RAB8B: variants seen among roughly 807,000 people sequenced by gnomAD.
RAB8B encodes ras-related protein Rab-8B.
A neutral mutation model predicts 32.0 loss-of-function variants in RAB8B; 11 were observed. The ratio of observed to expected loss-of-function variants is 0.34; its 90% confidence interval spans 0.22 to 0.57. RAB8B has a LOEUF of 0.57. Among genes scored for constraint, RAB8B ranks in the 20% least tolerant of loss-of-function variants. The pLI is 0.86. For missense variants in RAB8B, 190 were observed against 258.5 expected (o/e 0.73, Z 1.82); for synonymous variants, 103 against 89.6 (o/e 1.15, Z -0.85).
intron 1 of RAB8B, among the ~76,000 whole-genome samples, chr15:63,237,284 A>G (rs1322476173): frequency 1.3e-5 from 2 of 152,106 alleles, no homozygotes; most frequent in Non-Finnish European, 2.9e-5. Context: ...TGATAGCTCT[A>G]TATTTGATTT....
chr15:63,248,825 C>T lies in RAB8B; in HGVS notation c.186-820C>T, dbSNP rs539027587. The stretch of plus-strand genomic sequence containing the variant: ...TATATTTCCACAAATGCCTCTTTCT[C>T]TCCTGCAATTAAATTGTCTTAGTAG... On this transcript the variant is annotated intron_variant, in intron 2 of 7. Transcript: ENST00000321437. This position sits in a 1 kb window ranked among gnomAD's most constrained non-coding sequence, Gnocchi z 4.4. 6.6e-6 allele frequency among the ~76,000 whole-genome samples: 1 copy of T among 152,184 alleles called. No homozygotes were observed. Among genetic ancestry groups the T allele is most frequent in the South Asian group, 2.1e-4 (1 of 4,822 alleles).
Position 63,253,581 on chromosome 15 carries a change from C to T in RAB8B, c.247-1926C>T, listed in dbSNP as rs546804077. On this transcript the variant is annotated intron_variant, in intron 3 of 7. Coordinates refer to ENST00000321437, the MANE Select transcript of RAB8B (RefSeq NM_016530.3). Reference sequence around the variant, plus strand: ...CCCGTAATCTCAGCAGCTCGGGAGGCGGAGGTGGGAGGACTGCTTGAGTTC... The same window carrying T: ...CCCGTAATCTCAGCAGCTCGGGAGGTGGAGGTGGGAGGACTGCTTGAGTTC... Among the ~76,000 whole-genome samples the T allele has an allele frequency of 3.6e-4, 55 of 151,488 alleles. No homozygotes were observed. In the South Asian group the frequency reaches 0.01, roughly 28 times the overall value.
chr15:63,197,074 C>G (rs2037606567), intron 1 of RAB8B, among the ~76,000 whole-genome samples: 1 of 151,976 alleles, frequency 6.6e-6, no homozygotes, highest in Admixed American at 6.5e-5. Flanking sequence ...TGTGTTCTGC[C>G]CAGCACTCAT....
chr15:63,262,182 T>A (rs1335047402), intron 6 of RAB8B, among the ~76,000 whole-genome samples: 1 of 152,204 alleles, frequency 6.6e-6, no homozygotes, highest in African/African-American at 2.4e-5. Flanking sequence ...ATTTCCTAGA[T>A]CAGCACTGTG....
chr15:63,233,370 T>G (rs1391143496), intron 1 of RAB8B, among the ~76,000 whole-genome samples: 2 of 152,174 alleles, frequency 1.3e-5, no homozygotes, highest in African/African-American at 4.8e-5. Flanking sequence ...AGTCTCAATC[T>G]AAGTAACATT....
chr15:63,232,189 T>A (rs747209832), intron 1 of RAB8B, among the ~76,000 whole-genome samples: 1 of 152,240 alleles, frequency 6.6e-6, no homozygotes, highest in Non-Finnish European at 1.5e-5. Context: ...TATTTATGAT[T>A]CAACACATAG....
chr15:63,260,365 C>T (rs1233901385), intron 6 of RAB8B, among the ~76,000 whole-genome samples: 1 of 152,228 alleles, frequency 6.6e-6, no homozygotes, highest in Non-Finnish European at 1.5e-5. Context: ...AGGCTGTACT[C>T]TCTCAAGGGA....
Position 63,234,560 on chromosome 15 carries a change from G to T in RAB8B, c.125-10196G>T, listed in dbSNP as rs575709693. ...AAGTTTCCTTCTTTCTGTTTTGCTGGCCAAGCCCTTCCCCTCAGCTGCCTC... is the reference window on the plus strand; with the variant it reads ...AAGTTTCCTTCTTTCTGTTTTGCTGTCCAAGCCCTTCCCCTCAGCTGCCTC... On this transcript the variant is annotated intron_variant, in intron 1 of 7. Transcript: ENST00000321437. Among the ~76,000 whole-genome samples the T allele has an allele frequency of 3.3e-5, 5 of 152,182 alleles. No individual in the cohort carries two copies. The East Asian group carries it at 9.7e-4, about 29-fold the overall frequency.
intron 1 of RAB8B, among the ~76,000 whole-genome samples, chr15:63,214,209 A>G (rs1567011418): frequency 1.3e-5 from 2 of 151,208 alleles, no homozygotes; most frequent in Non-Finnish European, 2.9e-5. Context: ...GATCTAATGT[A>G]GTTATCTAGG....
At chr15:63,256,626 A>G (rs374270442) in intron 5 of RAB8B, 32 bp downstream of exon 5, 349 of 1,416,004 alleles carry the variant, frequency 2.5e-4, no homozygotes, top group Non-Finnish European at 1.9e-4. Flanking sequence ...AAAGGTTGGA[A>G]TCTACTCACA....
chr15:63,212,791 TC>T (rs2037759122), intron 1 of RAB8B, among the ~76,000 whole-genome samples: 1 of 152,238 alleles, frequency 6.6e-6, no homozygotes, highest in Admixed American at 6.5e-5. Flanking sequence ...TTAAACTTGA[TC>T]TTGAAAGGCC....
At chr15:63,256,724 AAG>A in intron 5 of RAB8B, 130 bp downstream of exon 5, 1 of 666,164 alleles carries the variant, frequency 1.5e-6, no homozygotes, top group Non-Finnish European at 2.5e-6. Flanking sequence ...ATCAACAACA[AAG>A]AGATGTAATC....
At position 63,255,013 on chromosome 15, in the gene RAB8B, A is replaced by C. The variant is rs929252235; in HGVS notation, c.247-494A>C. 2.0e-5 allele frequency among the ~76,000 whole-genome samples: 3 copies of C among 152,228 alleles called. No homozygotes were observed. The South Asian group carries it at 6.2e-4, about 32-fold the overall frequency. On this transcript the variant is annotated intron_variant, in intron 3 of 7. Coordinates refer to ENST00000321437, the MANE Select transcript of RAB8B (RefSeq NM_016530.3). ...ATTGGATTTTAAGTGTCTGTGATGT[A>C]CTTAGATAAATAGTGACAACCTATT... is the stretch of plus-strand genomic sequence containing the variant.
intron 1 of RAB8B, among the ~76,000 whole-genome samples, chr15:63,209,079 C>CAA (rs1383059284): frequency 6.6e-6 from 1 of 151,600 alleles, no homozygotes; most frequent in East Asian, 1.9e-4. Context: ...TTAGTAGAGA[C>CAA]AGAGTTTCGC....
At chr15:63,243,127 A>G (rs921776272) in intron 1 of RAB8B, among the ~76,000 whole-genome samples, 1 of 152,190 alleles carries the variant, frequency 6.6e-6, no homozygotes, top group African/African-American at 2.4e-5. Flanking sequence ...AGTTCACAAT[A>G]GGGTTTGAGC....
chr15:63,231,245 T>C (rs1339256544), intron 1 of RAB8B, among the ~76,000 whole-genome samples: 3 of 152,236 alleles, frequency 2.0e-5, no homozygotes, highest in Non-Finnish European at 4.4e-5. Flanking sequence ...TTTTAGTTAG[T>C]TGTACTATGT....
chr15:63,191,495 G>C (rs1432708363), intron 1 of RAB8B, among the ~76,000 whole-genome samples: 5 of 152,162 alleles, frequency 3.3e-5, no homozygotes, highest in African/African-American at 1.2e-4. Flanking sequence ...TTCTGAAAAA[G>C]CAGATTTTAA....
At chr15:63,247,882 C>T (rs1157082696) in intron 2 of RAB8B, among the ~76,000 whole-genome samples, 1 of 152,182 alleles carries the variant, frequency 6.6e-6, no homozygotes, top group Non-Finnish European at 1.5e-5. Context: ...TAGTGATTGG[C>T]TTCCTAGTGG....
intron 1 of RAB8B, among the ~76,000 whole-genome samples, chr15:63,209,421 T>C (rs973093949): frequency 1.7e-4 from 26 of 151,736 alleles, no homozygotes; most frequent in African/African-American, 6.0e-4. Flanking sequence ...TGAAACCCTG[T>C]CTCTACTAAA....
Sources: allele counts gnomAD v4.1 joint callset (sites outside exome capture counted in the v4.1 genomes callset), GRCh38; gene constraint gnomAD v4.1.1; non-coding constraint Gnocchi (gnomAD v3.1); transcripts MANE v1.5; gene names NCBI Gene and HGNC (gene_info 2026-07-23, HGNC 2026-07-21).